CCDC7: variants seen among roughly 807,000 people sequenced by gnomAD.
The protein encoded by CCDC7 is coiled-coil domain containing 7.
In CCDC7, 183 loss-of-function variants were observed where a neutral mutation model predicts 196.9. That is an observed-to-expected ratio of 0.93 (90% CI 0.82 to 1.05). The LOEUF is 1.05. Ranked by LOEUF, CCDC7 falls within the 50% of genes least tolerant of loss-of-function variation. The pLI, the probability that CCDC7 is intolerant of heterozygous loss-of-function variation, is 0.00. For missense variants in CCDC7, 1,540 were observed against 1,482.2 expected (o/e 1.04, Z -0.64); for synonymous variants, 525 against 484.6 (o/e 1.08, Z -1.10).
At chr10:32,448,556 G>A (rs979585874), upstream of CCDC7, among the ~76,000 whole-genome samples, 7 of 151,616 alleles carry the variant, frequency 4.6e-5, no homozygotes, top group Admixed American at 4.6e-4. Flanking sequence ...TTTATTATTT[G>A]TTTTTATATT....
intron 21 of CCDC7, among the ~76,000 whole-genome samples, chr10:32,679,422 G>C (rs1012480155): frequency 2.6e-5 from 4 of 152,074 alleles, no homozygotes; most frequent in Admixed American, 2.6e-4. Flanking sequence ...GGACCTCCAG[G>C]CCATCCTCCT....
intron 28 of CCDC7, among the ~76,000 whole-genome samples, chr10:32,759,831 T>C (rs2077133363): frequency 1.3e-5 from 2 of 152,136 alleles, no homozygotes; most frequent in Non-Finnish European, 2.9e-5. Context: ...GAGAAAATTT[T>C]TGCAACCTAC....
intron 9 of CCDC7, among the ~76,000 whole-genome samples, chr10:32,494,470 T>C (rs1005958240): frequency 2.0e-5 from 3 of 152,048 alleles, no homozygotes; most frequent in Admixed American, 6.6e-5. Flanking sequence ...TAGGTATACA[T>C]GTGCCATGCT....
intron 21 of CCDC7, among the ~76,000 whole-genome samples, chr10:32,670,319 G>GT (rs984658910): frequency 4.0e-5 from 6 of 151,668 alleles, no homozygotes; most frequent in Non-Finnish European, 5.9e-5. Flanking sequence ...TGATTTCGTT[G>GT]TTTTTTATAG....
At chr10:32,461,724 TATATATG>T (rs2035731611) in intron 3 of CCDC7, among the ~76,000 whole-genome samples, 1 of 26,604 alleles carries the variant, frequency 3.8e-5, no homozygotes, top group Non-Finnish European at 1.1e-4. Flanking sequence ...TATATATATA[TATATATG>T]TATATATATA....
intron 8 of CCDC7, among the ~76,000 whole-genome samples, chr10:32,476,571 A>G (rs1259008592): frequency 6.7e-6 from 1 of 149,984 alleles, no homozygotes; most frequent in East Asian, 2.0e-4. Context: ...AATTGGGTAA[A>G]CACAAAGGAG....
intron 18 of CCDC7, among the ~76,000 whole-genome samples, chr10:32,594,770 A>G (rs973166994): frequency 6.6e-6 from 1 of 152,124 alleles, no homozygotes; most frequent in African/African-American, 2.4e-5. Flanking sequence ...GCGCTGTTGA[A>G]TTTTGTCAAA....
At chr10:32,684,108 G>A (rs1251020236) in intron 21 of CCDC7, among the ~76,000 whole-genome samples, 1 of 152,170 alleles carries the variant, frequency 6.6e-6, no homozygotes, top group Non-Finnish European at 1.5e-5. Flanking sequence ...GGGGTGAGGT[G>A]GGTTGCTGTG....
intron 18 of CCDC7, among the ~76,000 whole-genome samples, chr10:32,600,271 C>T (rs1240442022): frequency 6.8e-6 from 1 of 146,528 alleles, no homozygotes; most frequent in Non-Finnish European, 1.5e-5. Flanking sequence ...ATGTAGAGCT[C>T]TTTTACCTCA....
chr10:32,740,989 T>C (rs1346893658), intron 28 of CCDC7, among the ~76,000 whole-genome samples: 4 of 152,054 alleles, frequency 2.6e-5, no homozygotes, highest in African/African-American at 9.6e-5. Context: ...AATAAGAATG[T>C]GTCTACCTGC....
downstream of CCDC7, among the ~76,000 whole-genome samples, chr10:32,880,187 A>G (rs1311913275): frequency 4.6e-5 from 7 of 152,026 alleles, no homozygotes; most frequent in South Asian, 2.1e-4. Flanking sequence ...AAGTGTTCCT[A>G]TTTCTCCATA....
chr10:32,655,238 T>C (rs571530369), intron 20 of CCDC7, among the ~76,000 whole-genome samples: 14 of 152,084 alleles, frequency 9.2e-5, no homozygotes, highest in Non-Finnish European at 4.4e-5. Flanking sequence ...GGACCTAGAG[T>C]GAGGGGAATG....
chr10:32,480,575 G>A (rs2134117136), intron 8 of CCDC7, among the ~76,000 whole-genome samples: 1 of 152,134 alleles, frequency 6.6e-6, no homozygotes, highest in Middle Eastern at 3.4e-3. Context: ...ATTTTTGTGT[G>A]TCATAAGATA....
chr10:32,647,652 C>A (rs2068018883), intron 20 of CCDC7, among the ~76,000 whole-genome samples: 1 of 151,960 alleles, frequency 6.6e-6, no homozygotes, highest in South Asian at 2.1e-4. Context: ...AGTGTCTGTT[C>A]ATGTCTGTTG....
intron 41 of CCDC7, among the ~76,000 whole-genome samples, chr10:32,873,460 C>G (rs2094500391): frequency 2.6e-5 from 4 of 151,954 alleles, no homozygotes; most frequent in Admixed American, 2.6e-4. Flanking sequence ...AGGTTTTTAA[C>G]TTCTTTGCCG....
intron 18 of CCDC7, among the ~76,000 whole-genome samples, chr10:32,609,160 T>G (rs545981407): frequency 1.3e-5 from 2 of 152,286 alleles, no homozygotes; most frequent in South Asian, 4.1e-4. Flanking sequence ...AGTCTGATGT[T>G]TCTTTGTTTA....
At position 32,814,350 on chromosome 10, in the gene CCDC7, A is replaced by G; in HGVS notation, c.3098-20A>G. 2.0e-6 allele frequency: 3 copies of G among 1,491,384 alleles called. No homozygotes were observed. Among genetic ancestry groups the G allele is most frequent in the Non-Finnish European group, 2.8e-6 (3 of 1,069,466 alleles). The allele number at this position is 1,491,384 out of a possible 1,614,324, so 92.4% of individuals were successfully genotyped here. ...TAAATGATTACCTTACAGTGTTTTG[A>G]TACCTGTTTATTTCTATAGGGCCTG... is the stretch of plus-strand genomic sequence containing the variant. On this transcript the variant is annotated intron_variant, in intron 30 of 41. Coordinates refer to ENST00000639629, the Ensembl canonical transcript of CCDC7.
intron 20 of CCDC7, among the ~76,000 whole-genome samples, chr10:32,651,095 A>G (rs1043156502): frequency 6.6e-6 from 1 of 152,120 alleles, no homozygotes; most frequent in Non-Finnish European, 1.5e-5. Flanking sequence ...AAGGGTCCTC[A>G]GCTTTGCACC....
chr10:32,777,881 C>T (rs537445256), intron 28 of CCDC7, among the ~76,000 whole-genome samples: 1 of 152,214 alleles, frequency 6.6e-6, no homozygotes, highest in South Asian at 2.1e-4. Flanking sequence ...TAATAATAGC[C>T]ATTCTGACTG....
Sources: allele counts gnomAD v4.1 joint callset (sites outside exome capture counted in the v4.1 genomes callset), GRCh38; gene constraint gnomAD v4.1.1; transcripts MANE v1.5; gene names NCBI Gene and HGNC (gene_info 2026-07-23, HGNC 2026-07-21).